Variants in LARS1 observed in about 807,000 individuals in gnomAD.
The protein encoded by LARS1 is leucyl-tRNA synthetase 1.
LARS1 carries 100 observed loss-of-function variants against 162.8 expected under a neutral mutation model. The observed-to-expected ratio is 0.61, with a 90% CI of 0.52 to 0.73. The LOEUF (loss-of-function observed/expected upper bound fraction) is 0.73, where lower values mean the gene tolerates loss of function less well. LARS1 is among the 30% of genes least tolerant of loss of function. The probability of loss-of-function intolerance (pLI) is 0.00; values close to 1 mark genes in which losing one functional copy is unlikely to be tolerated. For synonymous variants in LARS1, 457 were observed against 462.8 expected (o/e 0.99, Z 0.16); for missense variants, 1,258 against 1,408.9 (o/e 0.89, Z 1.71).
At chr5:146,144,764 C>T (rs1023221386) in intron 15 of LARS1, 55 bp from the exon 16 acceptor site, 12 of 1,456,616 alleles carry the variant, frequency 8.2e-6, no homozygotes, top group Non-Finnish European at 1.1e-5. Context: ...AATCTTCATT[C>T]CTCAAGGATA....
At chr5:146,172,860 C>T in intron 2 of LARS1, 86 bp from the exon 3 acceptor site, 1 of 539,138 alleles carries the variant, frequency 1.9e-6, no homozygotes, top group Non-Finnish European at 3.2e-6. Context: ...GAAGGAAATG[C>T]TTGATATAAA....
chr5:146,128,127 T>A (rs1288830266), intron 27 of LARS1, among the ~76,000 whole-genome samples: 1 of 152,170 alleles, frequency 6.6e-6, no homozygotes, highest in Non-Finnish European at 1.5e-5. Context: ...ATCTAAGTTA[T>A]TGAGTTCCCT....
chr5:146,115,405 A>G (rs1764162594), intron 31 of LARS1, among the ~76,000 whole-genome samples: 1 of 152,020 alleles, frequency 6.6e-6, no homozygotes, highest in Admixed American at 6.6e-5. Context: ...CATTTGCTCA[A>G]AAGATGAAAG....
In LARS1 at chr5:146,168,215, AG is replaced by A. The variant is rs755977847; in HGVS notation, c.344del (p.Pro115LeufsTer20). Reference protein sequence around the residue: ...KREIELYGCPPDFPDEEEEEE... With the variant: ...KREIELYGCPXDFPDEEEEEE... ...CTTCCTCTTCTTCATCTGGAAAATCAGGGGGGCAACCATACAGCTCTATTTC... is the reference window on the plus strand; with the variant it reads ...CTTCCTCTTCTTCATCTGGAAAATCAGGGGGCAACCATACAGCTCTATTTC... On this transcript the variant is annotated frameshift_variant, in exon 5 of 32. Coordinates refer to ENST00000394434, the MANE Select transcript of LARS1 (RefSeq NM_020117.11). LOFTEE classifies it high-confidence loss of function. 3 of 1,613,422 alleles carry A rather than the reference AG, an allele frequency of 1.9e-6. No homozygotes were observed. The highest frequency in any genetic ancestry group is 1.1e-5 in the South Asian group (1 of 91,024).
Position 146,126,443 on chromosome 5 carries a change from T to C in LARS1, c.2983A>G (p.Met995Val), listed in dbSNP as rs770637685. 1.9e-6 allele frequency: 3 copies of C among 1,605,438 alleles called. No individual in the cohort carries two copies. Among genetic ancestry groups the C allele is most frequent in the Non-Finnish European group, 2.6e-6 (3 of 1,172,586 alleles). Residue 995 changes from methionine (M) to valine (V), a missense_variant, in exon 28 of 32, where the codon ATG becomes GTG. By Grantham distance (21) the Met-to-Val change is conservative. Transcript: ENST00000394434. ...YMKKVMPFVAMIKENLEKMGP... is the reference protein window; with the variant it reads ...YMKKVMPFVAVIKENLEKMGP... ...TAAGGTCCACAGCTTACCTTAATCATGGCAACAAATGGCATGACTTTCTTC... is the reference window on the plus strand; with the variant it reads ...TAAGGTCCACAGCTTACCTTAATCACGGCAACAAATGGCATGACTTTCTTC...
chr5:146,143,180 T>C (rs1325733238), intron 19 of LARS1, 96 bp from the exon 20 acceptor site: 5 of 822,666 alleles, frequency 6.1e-6, no homozygotes, highest in African/African-American at 3.4e-5. Flanking sequence ...TAGGAATCTC[T>C]TTCTTAATGT....
At chr5:146,134,835 G>A (rs1752437595) in intron 22 of LARS1, among the ~76,000 whole-genome samples, 1 of 152,170 alleles carries the variant, frequency 6.6e-6, no homozygotes, top group Admixed American at 6.5e-5. Flanking sequence ...TGTAATCCCA[G>A]CTATTTGAGA....
intron 31 of LARS1, among the ~76,000 whole-genome samples, chr5:146,117,573 G>A (rs1302770480): frequency 3.3e-5 from 5 of 152,178 alleles, no homozygotes; most frequent in African/African-American, 4.8e-5. Context: ...TTGTGCCACT[G>A]CACTCCAGCC....
Position 146,122,574 on chromosome 5 carries a change from T to C in LARS1, c.3110A>G (p.Glu1037Gly). 1.2e-6 allele frequency: 2 copies of C among 1,605,204 alleles called. No homozygotes were observed. Among genetic ancestry groups the C allele is most frequent in the African/African-American group, 2.7e-5 (2 of 74,756 alleles). Residue 1037 changes from glutamate to glycine, a missense_variant, in exon 30 of 32, where the codon GAA becomes GGA. Physicochemically the swap from Glu to Gly is moderately conservative, Grantham distance 98. Coordinates refer to ENST00000394434, the MANE Select transcript of LARS1 (RefSeq NM_020117.11). ...TTCTGCTTCGGAGGCAAACTTGACT[T>C]CTATGTGTTCTAGCTAAACAGACGG... is the stretch of plus-strand genomic sequence containing the variant. ...LTNSLELEHI[E>G]VKFASEAEDK...
chr5:146,115,046 GAAAAAAAA>G (rs35008800), intron 31 of LARS1, among the ~76,000 whole-genome samples: 2 of 97,634 alleles, frequency 2.0e-5, no homozygotes, highest in Non-Finnish European at 4.1e-5. Context: ...CTGTCGGGGG[GAAAAAAAA>G]AAAAAAAAAA....
intron 21 of LARS1, chr5:146,138,131 A>T (rs962869262): frequency 3.2e-5 from 5 of 154,004 alleles, no homozygotes; most frequent in Admixed American, 2.6e-4. Context: ...AAAAAAAAAA[A>T]AAAAAAGTGA....
intron 21 of LARS1, among the ~76,000 whole-genome samples, chr5:146,137,147 C>T (rs2126452678): frequency 6.6e-6 from 1 of 152,328 alleles, no homozygotes; most frequent in South Asian, 2.1e-4. Context: ...ATCCACCCGC[C>T]TTGGCCTCCC....
intron 21 of LARS1, among the ~76,000 whole-genome samples, chr5:146,136,913 T>C (rs373125262): frequency 3.3e-5 from 5 of 152,252 alleles, no homozygotes; most frequent in East Asian, 3.8e-4. Context: ...TTTTTCCCTT[T>C]TTTTGAGATG....
rs577902897 is a variant in LARS1 at position 146,153,815 on chromosome 5, G to T, written c.1154-5C>A. ...CACTTGTAACCACACCAGTGCCTTA[G>T]AAAACAAAGTGTGGAATTAATAACT... On this transcript the variant is annotated splice_region_variant and splice_polypyrimidine_tract_variant and intron_variant, in intron 11 of 31. Coordinates refer to ENST00000394434, the MANE Select transcript of LARS1 (RefSeq NM_020117.11). 2.3e-5 allele frequency: 37 copies of T among 1,613,534 alleles called. No individual in the cohort carries two copies. The Admixed American group carries it at 6.0e-4, about 26-fold the overall frequency.
intron 1 of LARS1, among the ~76,000 whole-genome samples, chr5:146,180,511 A>AAAAAAT (rs1754789509): frequency 6.6e-6 from 1 of 152,166 alleles, no homozygotes; most frequent in Non-Finnish European, 1.5e-5. Flanking sequence ...CATTTCAAAA[A>AAAAAAT]AAAAATAAAA....
Position 146,124,180 on chromosome 5 carries a change from T to TA in LARS1, c.2992-95dup. ...AAGTAATCATTCTTCTCTCAACTGA[T>TA]AAAATCTTCAGATTTCAGGAGTTAA... On this transcript the variant is annotated intron_variant, in intron 28 of 31. Coordinates refer to ENST00000394434, the MANE Select transcript of LARS1 (RefSeq NM_020117.11). The TA allele has an allele frequency of 3.8e-6, 3 of 793,048 alleles. 1 individual carries two copies. In the South Asian group the frequency reaches 4.5e-5, roughly 12 times the overall value. 49.1% of individuals were successfully genotyped at this position (793,048 alleles called of 1,614,324 possible).
chr5:146,151,532 G>A (rs1753289471), intron 14 of LARS1, among the ~76,000 whole-genome samples: 1 of 152,154 alleles, frequency 6.6e-6, no homozygotes, highest in African/African-American at 2.4e-5. Flanking sequence ...TTAACTAAAA[G>A]AGCAAAAGAA....
At chr5:146,117,396 G>A (rs1357452000) in intron 31 of LARS1, among the ~76,000 whole-genome samples, 4 of 152,140 alleles carry the variant, frequency 2.6e-5, no homozygotes, top group Admixed American at 2.0e-4. Flanking sequence ...GATCACTTGA[G>A]GCCAGGAGCT....
In LARS1 at chr5:146,182,624, G is replaced by T; in HGVS notation, c.-131C>A. 2 of 1,225,254 alleles carry T rather than the reference G, an allele frequency of 1.6e-6. No homozygotes were observed. The highest frequency in any genetic ancestry group is 1.2e-6 in the Non-Finnish European group (1 of 836,232). The allele number at this position is 1,225,254 out of a possible 1,614,324, so 75.9% of individuals were successfully genotyped here. A position where few individuals can be genotyped will look rare whatever the true frequency, so the allele number is the denominator to read the frequency against. ...AAACTAAAGCACACGCTTCACACCT[G>T]CTGAGGCAATCATCCGGCTCCTTAC... On this transcript the variant is annotated 5_prime_UTR_variant, in exon 1 of 32. Coordinates refer to ENST00000394434, the MANE Select transcript of LARS1 (RefSeq NM_020117.11).
Sources: gnomAD v4.1 joint callset for allele counts (sites outside exome capture counted in the v4.1 genomes callset) on GRCh38, gnomAD v4.1.1 for gene constraint, MANE v1.5 for transcripts, NCBI Gene and HGNC (gene_info 2026-07-23, HGNC 2026-07-21) for gene names.